Variants in FBXL17 observed in about 807,000 individuals in gnomAD.
FBXL17 encodes the protein F-box/LRR-repeat protein 17.
Under a neutral mutation model 66.2 loss-of-function variants are expected in FBXL17, and 22 were observed. The observed-to-expected ratio is 0.33, with a 90% CI of 0.24 to 0.47. FBXL17 has a LOEUF of 0.47. FBXL17 is among the 20% of genes least tolerant of loss of function. The pLI is 1.00. For synonymous variants in FBXL17, 474 were observed against 400.5 expected, an observed-to-expected ratio of 1.18 and a Z score of -2.19; for missense variants, 878 against 948.2, an observed-to-expected ratio of 0.93 and a Z score of 0.97.
chr5:108,100,079 A>C (rs959722680), intron 6 of FBXL17, among the ~76,000 whole-genome samples: 3 of 152,200 alleles, frequency 2.0e-5, no homozygotes, highest in Admixed American at 1.3e-4. Context: ...TTCAGGTATC[A>C]TACTATTTAT....
rs138441527 is a variant in FBXL17 at position 108,189,219 on chromosome 5, C to T, written c.1615-2972G>A. On this transcript the variant is annotated intron_variant, in intron 5 of 8. Transcript: ENST00000542267. ...TTTCGCAAGGCAATCAAGATCTCAA[C>T]TGGGGCTGTATTTCTTTCTAGAGCT... Among the ~76,000 whole-genome samples the T allele has an allele frequency of 3.2e-3, 487 of 150,210 alleles. 2 individuals carry two copies. Among genetic ancestry groups the T allele is most frequent in the South Asian group, 0.011 (50 of 4,616 alleles).
chr5:107,916,367 T>C (rs1282402664), intron 7 of FBXL17, among the ~76,000 whole-genome samples: 2 of 152,220 alleles, frequency 1.3e-5, no homozygotes, highest in Non-Finnish European at 2.9e-5. Flanking sequence ...ATACACATTC[T>C]ACTTGAGCAT....
At chr5:108,174,044 T>C (rs1475077558) in intron 6 of FBXL17, among the ~76,000 whole-genome samples, 1 of 152,230 alleles carries the variant, frequency 6.6e-6, no homozygotes, top group Non-Finnish European at 1.5e-5. Flanking sequence ...TACATTCAAC[T>C]GGAGAAAATG....
At chr5:108,083,218 A>AACACACACACACACACACAC (rs756726228) in intron 6 of FBXL17, among the ~76,000 whole-genome samples, 14 of 144,598 alleles carry the variant, frequency 9.7e-5, no homozygotes, top group East Asian at 4.1e-4. Context: ...CTCACCTCAG[A>AACACACACACACACACACAC]ACACACACAC....
At chr5:107,946,273 A>T (rs1361330386) in intron 7 of FBXL17, among the ~76,000 whole-genome samples, 1 of 46,228 alleles carries the variant, frequency 2.2e-5, no homozygotes, top group African/African-American at 8.3e-5. Context: ...ATATATATAT[A>T]TATATATATA....
chr5:108,320,351 T>C (rs951540654), intron 4 of FBXL17, among the ~76,000 whole-genome samples: 1 of 151,598 alleles, frequency 6.6e-6, no homozygotes, highest in East Asian at 1.9e-4. Flanking sequence ...CATGAGGGGA[T>C]TTTAACCCAC....
At chr5:108,271,608 T>C (rs1227658485) in intron 4 of FBXL17, among the ~76,000 whole-genome samples, 1 of 152,188 alleles carries the variant, frequency 6.6e-6, no homozygotes, top group Non-Finnish European at 1.5e-5. Flanking sequence ...TTAATACATG[T>C]TTATGAGTTG....
intron 7 of FBXL17, among the ~76,000 whole-genome samples, chr5:107,889,906 G>A (rs1291223295): frequency 6.6e-6 from 1 of 152,156 alleles, no homozygotes; most frequent in South Asian, 2.1e-4. Flanking sequence ...GGCATATTTA[G>A]AACTAACATA....
intron 7 of FBXL17, among the ~76,000 whole-genome samples, chr5:107,945,502 T>TTA (rs1183763397): frequency 6.6e-6 from 1 of 152,136 alleles, no homozygotes; most frequent in Non-Finnish European, 1.5e-5. Context: ...GTTGGGGTTG[T>TTA]TATATATAAT....
chr5:108,123,676 T>C (rs1750589007), intron 6 of FBXL17, among the ~76,000 whole-genome samples: 2 of 152,154 alleles, frequency 1.3e-5, no homozygotes, highest in African/African-American at 4.8e-5. Flanking sequence ...GTCATCTCAT[T>C]GTCACCTTTC....
chr5:107,879,245 T>A, intron 8 of FBXL17: 2 of 985,478 alleles, frequency 2.0e-6, no homozygotes, highest in Non-Finnish European at 2.4e-6. Context: ...TATGTATGAA[T>A]GTGTACATTT....
At chr5:108,352,773 T>TG (rs1747735558) in intron 3 of FBXL17, among the ~76,000 whole-genome samples, 1 of 152,170 alleles carries the variant, frequency 6.6e-6, no homozygotes, top group Non-Finnish European at 1.5e-5. Context: ...CCTCCCAAAG[T>TG]GCTGGGATTA....
intron 6 of FBXL17, among the ~76,000 whole-genome samples, chr5:108,069,860 C>A (rs1403068767): frequency 6.6e-6 from 1 of 151,974 alleles, no homozygotes; most frequent in Non-Finnish European, 1.5e-5. Context: ...GATTTTTTTT[C>A]ACTTTATATT....
intron 5 of FBXL17, among the ~76,000 whole-genome samples, chr5:108,221,858 C>A (rs1246976574): frequency 6.6e-6 from 1 of 152,152 alleles, no homozygotes; most frequent in African/African-American, 2.4e-5. Flanking sequence ...AATAGCTTTG[C>A]AGAACCGATG....
At chr5:108,299,850 G>A in intron 4 of FBXL17, 4 of 984,434 alleles carry the variant, frequency 4.1e-6, no homozygotes, top group Non-Finnish European at 3.6e-6. Flanking sequence ...GAAAAAAAGG[G>A]TAGATGCCAT....
chr5:108,231,858 T>C (rs1755357592), intron 4 of FBXL17, among the ~76,000 whole-genome samples: 1 of 152,192 alleles, frequency 6.6e-6, no homozygotes, highest in African/African-American at 2.4e-5. Flanking sequence ...AGGGCTTCTT[T>C]TAGTATTACC....
At chr5:108,205,899 G>A (rs1013432517) in intron 5 of FBXL17, among the ~76,000 whole-genome samples, 1 of 151,886 alleles carries the variant, frequency 6.6e-6, no homozygotes, top group African/African-American at 2.4e-5. Context: ...ACCCTGCCTG[G>A]CTAATTTTTG....
intron 6 of FBXL17, among the ~76,000 whole-genome samples, chr5:108,054,459 G>T (rs1180615434): frequency 1.3e-5 from 2 of 152,052 alleles, no homozygotes; most frequent in Non-Finnish European, 2.9e-5. Flanking sequence ...TCCACTGACA[G>T]CTCTGCATGT....
At chr5:108,079,028 C>G (rs62362681) in intron 6 of FBXL17, among the ~76,000 whole-genome samples, 1 of 151,884 alleles carries the variant, frequency 6.6e-6, no homozygotes, top group Non-Finnish European at 1.5e-5. Flanking sequence ...TTTTTTTTCC[C>G]TGTAGAGACA....
Sources: gnomAD v4.1 joint callset for allele counts (sites outside exome capture counted in the v4.1 genomes callset) on GRCh38, gnomAD v4.1.1 for gene constraint, MANE v1.5 for transcripts, NCBI Gene and HGNC (gene_info 2026-07-23, HGNC 2026-07-21) for gene names.